The following PLA2G4C variants were observed in gnomAD, a reference collection of about 807,000 sequenced individuals.
PLA2G4C encodes the protein phospholipase A2 group IVC.
Under a neutral mutation model 73.8 loss-of-function variants are expected in PLA2G4C, and 64 were observed. That is an observed-to-expected ratio of 0.87 (90% confidence interval 0.71 to 1.07). PLA2G4C has a LOEUF of 1.07. Among genes scored for constraint, PLA2G4C ranks in the 50% least tolerant of loss-of-function variants. The pLI, the probability that PLA2G4C is intolerant of heterozygous loss-of-function variation, is 0.00. For synonymous variants in PLA2G4C, 254 were observed against 252.1 expected, an observed-to-expected ratio of 1.01 and a Z score of -0.07; for missense variants, 622 against 665.4, an observed-to-expected ratio of 0.93 and a Z score of 0.72.
rs764140431 is a variant in PLA2G4C at position 48,067,792 on chromosome 19, G to C, written c.1101C>G (p.His367Gln). The C allele has an allele frequency of 6.3e-7, 1 of 1,599,488 alleles. No individual in the cohort carries two copies. Among genetic ancestry groups the C allele is most frequent in the South Asian group, 1.1e-5 (1 of 90,806 alleles). The change falls in exon 13 of 17, where the codon CAC (histidine) becomes CAG (glutamine). Residue 367 changes from histidine (H) to glutamine (Q), a missense_variant and splice_region_variant. Transcript: ENST00000599921. ...WGTTHNFLYK[H>Q]GGIRDKIMSS... Reference sequence around the variant, plus strand: ...GCGGTGGGAAGAGGGTCTTCTCACCGTGTTTGTACAGGAAGTTGTGAGTGG... The same window carrying C: ...GCGGTGGGAAGAGGGTCTTCTCACCCTGTTTGTACAGGAAGTTGTGAGTGG...
chr19:48,100,635 C>T (rs952077622), intron 4 of PLA2G4C, among the ~76,000 whole-genome samples: 4 of 115,076 alleles, frequency 3.5e-5, no homozygotes, highest in Non-Finnish European at 6.9e-5. Context: ...AAAAGCTGGG[C>T]GTGGTGGCTT....
At chr19:48,064,935 C>T (rs972971529) in intron 13 of PLA2G4C, 2 of 152,168 alleles carry the variant, frequency 1.3e-5, no homozygotes, top group South Asian at 2.1e-4. Flanking sequence ...AAATGTCTGT[C>T]GTTTAAGTCA....
intron 4 of PLA2G4C, 40 bp from the exon 5 acceptor site, chr19:48,099,900 T>C (rs373749940): frequency 1.4e-6 from 2 of 1,432,904 alleles, no homozygotes; most frequent in African/African-American, 2.8e-5. Flanking sequence ...GCATTTTAAG[T>C]GTGGACGATG....
chr19:48,106,397 G>T, intron 2 of PLA2G4C, 125 bp downstream of exon 2: 1 of 799,378 alleles, frequency 1.3e-6, no homozygotes, highest in Non-Finnish European at 2.1e-6. Context: ...CCAACCTTCA[G>T]CTCTTTCCAT....
intron 4 of PLA2G4C, among the ~76,000 whole-genome samples, chr19:48,101,430 C>T (rs913625590): frequency 2.0e-5 from 3 of 151,806 alleles, no homozygotes; most frequent in East Asian, 1.9e-4. Context: ...CCACCGTGCC[C>T]GGGCTCAATA....
intron 3 of PLA2G4C, 100 bp downstream of exon 3, chr19:48,105,233 T>C (rs2032115759): frequency 2.7e-6 from 2 of 736,908 alleles, no homozygotes; most frequent in South Asian, 1.7e-5. Context: ...GAAGTTCATA[T>C]CCTTCGGTCC....
intron 16 of PLA2G4C, among the ~76,000 whole-genome samples, chr19:48,049,780 T>C (rs182694212): frequency 3.5e-4 from 53 of 152,072 alleles, no homozygotes; most frequent in Non-Finnish European, 5.9e-4. Context: ...CAGAGGAAAA[T>C]CATGTGTAGA....
chr19:48,054,922 G>A lies in PLA2G4C; in HGVS notation c.1385C>T (p.Pro462Leu), dbSNP rs746388895. 6.2e-7 allele frequency: 1 copy of A among 1,613,926 alleles called. No individual in the cohort carries two copies. The highest frequency in any genetic ancestry group is 8.5e-7 in the Non-Finnish European group (1 of 1,179,998). Residue 462 changes from proline (P) to leucine (L), a missense_variant, in exon 15 of 17, where the codon CCA (proline) becomes CTA (leucine). Transcript: ENST00000599921. ...GAACAGGGGAAAATGCATCACCACT[G>A]GTCCAGTTTCTCCTTTCAGGATGTA... ...SCYILKGETG[P>L]VVMHFPLFNI...
chr19:48,057,257 C>T (rs905390361), intron 14 of PLA2G4C, among the ~76,000 whole-genome samples: 43 of 151,896 alleles, frequency 2.8e-4, no homozygotes, highest in African/African-American at 8.5e-4. Flanking sequence ...TTGCAGTTAA[C>T]GTAAGAATAT....
At position 48,098,201 on chromosome 19, in the gene PLA2G4C, T is replaced by C. The variant is rs759651186; in HGVS notation, c.506A>G (p.Tyr169Cys). The C allele has an allele frequency of 6.2e-7, 1 of 1,613,776 alleles. No homozygotes were observed. Among genetic ancestry groups the C allele is most frequent in the East Asian group, 2.2e-5 (1 of 44,844 alleles). Reference sequence around the variant, plus strand: ...ATTGTCAATGGCTGCAAATATTGGGTAGGGTAGTGTCCCTTCTTCCACGGG... The same window carrying C: ...ATTGTCAATGGCTGCAAATATTGGGCAGGGTAGTGTCCCTTCTTCCACGGG... ...KKPVEEGTLP[Y>C]PIFAAIDNDL... Residue 169 changes from tyrosine (Y) to cysteine (C), a missense_variant, in exon 6 of 17, where the codon TAC becomes TGC. By Grantham distance (194) the Tyr-to-Cys change is radical. Coordinates refer to ENST00000599921, the MANE Select transcript of PLA2G4C (RefSeq NM_003706.3).
intron 7 of PLA2G4C, among the ~76,000 whole-genome samples, chr19:48,090,946 T>G (rs2031258174): frequency 6.6e-6 from 1 of 151,442 alleles, no homozygotes; most frequent in African/African-American, 2.4e-5. Context: ...TCAAGACCTG[T>G]ATTGGGCTAT....
chr19:48,109,472 A>T (rs1244640766), intron 1 of PLA2G4C, among the ~76,000 whole-genome samples: 1 of 151,580 alleles, frequency 6.6e-6, no homozygotes, highest in Non-Finnish European at 1.5e-5. Flanking sequence ...AGGTCTTGTT[A>T]TGTCACCCAG....
At chr19:48,105,280 C>A in intron 3 of PLA2G4C, 53 bp downstream of exon 3, 1 of 1,240,642 alleles carries the variant, frequency 8.1e-7, no homozygotes, top group Non-Finnish European at 1.2e-6. Flanking sequence ...GGACACTGGG[C>A]ACAGAGGGGG....
chr19:48,086,162 G>T (rs10405547), intron 9 of PLA2G4C, among the ~76,000 whole-genome samples: 11,202 of 152,222 alleles, frequency 0.074, 768 homozygotes, highest in African/African-American at 0.18. Context: ...TAGATGGGGA[G>T]GGGCATGGCC....
chr19:48,098,089 G>C (rs751822208), intron 6 of PLA2G4C, 50 bp downstream of exon 6: 1 of 1,593,980 alleles, frequency 6.3e-7, no homozygotes. Context: ...ATTCCACTCC[G>C]TGCTGTTCCA....
intron 16 of PLA2G4C, among the ~76,000 whole-genome samples, chr19:48,050,197 G>C (rs1037972440): frequency 3.3e-5 from 5 of 152,114 alleles, no homozygotes; most frequent in African/African-American, 1.2e-4. Flanking sequence ...TGGGATTACA[G>C]GTGTGAACCA....
chr19:48,071,732 A>G (rs1041734155), intron 12 of PLA2G4C, among the ~76,000 whole-genome samples: 4 of 152,088 alleles, frequency 2.6e-5, no homozygotes, highest in African/African-American at 9.7e-5. Flanking sequence ...TACAGGCGTG[A>G]GCCATCACAC....
intron 1 of PLA2G4C, among the ~76,000 whole-genome samples, chr19:48,110,005 A>G (rs1158649349): frequency 6.7e-6 from 1 of 148,284 alleles, no homozygotes. Flanking sequence ...GGAGAAACCA[A>G]CCCTGCCAAC....
intron 12 of PLA2G4C, among the ~76,000 whole-genome samples, chr19:48,071,743 C>T (rs1209809072): frequency 6.6e-6 from 1 of 152,112 alleles, no homozygotes; most frequent in Non-Finnish European, 1.5e-5. Flanking sequence ...GCCATCACAC[C>T]TGGCTTTTTT....
Sources: allele counts gnomAD v4.1 joint callset (sites outside exome capture counted in the v4.1 genomes callset), GRCh38; gene constraint gnomAD v4.1.1; transcripts MANE v1.5; gene names NCBI Gene and HGNC (gene_info 2026-07-23, HGNC 2026-07-21).